Variants in PTCHD1 observed in about 807,000 individuals in gnomAD.
The protein encoded by PTCHD1 is patched domain-containing protein 1.
In PTCHD1, 3 loss-of-function variants were observed where a neutral mutation model predicts 34.6. The ratio of observed to expected loss-of-function variants is 0.09; its 90% CI spans 0.04 to 0.22. The LOEUF (loss-of-function observed/expected upper bound fraction) is 0.22, where lower values mean the gene tolerates loss of function less well. Ranked by LOEUF, PTCHD1 falls within the 10% of genes least tolerant of loss-of-function variation. PTCHD1 has a pLI of 1.00. For synonymous variants in PTCHD1, 305 were observed against 283.1 expected (o/e 1.08, Z -0.77); for missense variants, 504 against 685.5 (o/e 0.74, Z 2.96).
rs189293818 is a variant in PTCHD1 at position 23,350,804 on chromosome X, G to A, written c.351+15578G>A. ...GAAGAACACTGAGAAAAGCTAGGTCGAAAGATAGGAGGAGAGGAAAGAGTT... is the reference window on the plus strand; with the variant it reads ...GAAGAACACTGAGAAAAGCTAGGTCAAAAGATAGGAGGAGAGGAAAGAGTT... On this transcript the variant is annotated intron_variant, in intron 1 of 2. Coordinates refer to ENST00000379361, the MANE Select transcript of PTCHD1 (RefSeq NM_173495.3). Among the ~76,000 whole-genome samples, 10 of 110,651 alleles carry A rather than the reference G, an allele frequency of 9.0e-5. No individual in the cohort carries two copies. In the East Asian group the frequency reaches 1.7e-3, roughly 19 times the overall value.
chrX:23,377,602 G>GTGTGTA (rs1922446665), intron 1 of PTCHD1, among the ~76,000 whole-genome samples: 1 of 109,335 alleles, frequency 9.1e-6, no homozygotes, highest in African/African-American at 3.4e-5. Context: ...GTGTGTGTGT[G>GTGTGTA]TGTGTGTGTG....
chrX:23,376,180 T>G (rs1769005424), intron 1 of PTCHD1, among the ~76,000 whole-genome samples: 1 of 112,386 alleles, frequency 8.9e-6, no homozygotes, highest in Admixed American at 9.4e-5. Context: ...GAGTACCTGT[T>G]GAATGTGTGT....
chrX:23,356,540 A>G (rs1921807930), intron 1 of PTCHD1, among the ~76,000 whole-genome samples: 1 of 111,930 alleles, frequency 8.9e-6, no homozygotes, highest in South Asian at 3.8e-4. Flanking sequence ...GATTCGCACC[A>G]GCTTTTTCCC....
At chrX:23,363,637 G>A (rs12846620) in intron 1 of PTCHD1, among the ~76,000 whole-genome samples, 4,625 of 112,520 alleles carry the variant, frequency 0.041, 132 homozygotes, top group East Asian at 0.11. Context: ...GCCCTGCTTC[G>A]GCTCACCCTC....
At chrX:23,371,734 G>A (rs777954736) in intron 1 of PTCHD1, among the ~76,000 whole-genome samples, 2 of 111,219 alleles carry the variant, frequency 1.8e-5, no homozygotes, top group Non-Finnish European at 3.8e-5. Context: ...ATATTGTCAA[G>A]TCGGGAAGGA....
rs1034800083 is a variant in PTCHD1, at chrX:23,395,661, G to A, written c.*1476G>A. The A allele has an allele frequency of 1.8e-5, 2 of 112,080 alleles. No homozygotes were observed. The highest frequency in any genetic ancestry group is 3.2e-5 in the African/African-American group (1 of 30,776). The allele number at this position is 112,080 out of a possible 1,213,427, so 9.2% of individuals were successfully genotyped here. A position where few individuals can be genotyped will look rare whatever the true frequency, so the allele number is the denominator to read the frequency against. On this transcript the variant is annotated 3_prime_UTR_variant, in exon 3 of 3. Coordinates refer to ENST00000379361, the MANE Select transcript of PTCHD1 (RefSeq NM_173495.3). ...GAAATGGTTTAGATCTAAAAAGGCT[G>A]TATACGTTGCCCAGGCCCCTGCATT...
At chrX:23,347,495 C>G (rs1477858298) in intron 1 of PTCHD1, among the ~76,000 whole-genome samples, 1 of 112,207 alleles carries the variant, frequency 8.9e-6, no homozygotes, top group Non-Finnish European at 1.9e-5. Flanking sequence ...ATAGCTACAA[C>G]AAACATTAAA....
At chrX:23,344,646 C>T (rs889797035) in intron 1 of PTCHD1, among the ~76,000 whole-genome samples, 1 of 111,831 alleles carries the variant, frequency 8.9e-6, no homozygotes, top group African/African-American at 3.3e-5. Flanking sequence ...AGTTCTTAGG[C>T]AGGCAGAGCT....
At chrX:23,382,654 G>C (rs1049560810) in intron 2 of PTCHD1, among the ~76,000 whole-genome samples, 1 of 112,889 alleles carries the variant, frequency 8.9e-6, no homozygotes, top group African/African-American at 3.2e-5. Context: ...CAGCGAAAGA[G>C]ACCACGCACC....
In PTCHD1 at chrX:23,403,264, T is replaced by C. The variant is rs1053653854; in HGVS notation, c.*9079T>C. On this transcript the variant is annotated 3_prime_UTR_variant, in exon 3 of 3. Transcript: ENST00000379361. ...AATGTTGTGTTTCCCAGTATTTTAGTTGGGTTTCTTCACACTTAGGCAAGT... is the reference window on the plus strand; with the variant it reads ...AATGTTGTGTTTCCCAGTATTTTAGCTGGGTTTCTTCACACTTAGGCAAGT... 2 of 112,390 alleles carry C rather than the reference T, an allele frequency of 1.8e-5. No individual in the cohort carries two copies. The highest frequency in any genetic ancestry group is 6.5e-5 in the African/African-American group (2 of 30,954). 9.3% of individuals were successfully genotyped at this position (112,390 alleles called of 1,213,427 possible). A position where few individuals can be genotyped will look rare whatever the true frequency, so the allele number is the denominator to read the frequency against.
intron 1 of PTCHD1, among the ~76,000 whole-genome samples, chrX:23,375,644 T>C (rs2146638751): frequency 8.9e-6 from 1 of 111,785 alleles, no homozygotes; most frequent in South Asian, 3.8e-4. Flanking sequence ...TTTGTTGGTG[T>C]ATGCTAAGTG....
rs1378013814 is a variant in PTCHD1, at chrX:23,396,901, G to A, written c.*2716G>A. On this transcript the variant is annotated 3_prime_UTR_variant, in exon 3 of 3. Transcript: ENST00000379361. The stretch of plus-strand genomic sequence containing the variant: ...TGCTCTGCTGCATTGGTTTAGCCCC[G>A]CTATGGAGAAGACACTTTAGAAGTA... 2.7e-5 allele frequency: 3 copies of A among 111,821 alleles called. No individual in the cohort carries two copies. Among genetic ancestry groups the A allele is most frequent in the African/African-American group, 6.5e-5 (2 of 30,723 alleles). 9.2% of individuals were successfully genotyped at this position (111,821 alleles called of 1,213,427 possible).
chrX:23,336,021 G>T (rs914923969), intron 1 of PTCHD1, among the ~76,000 whole-genome samples: 3 of 111,737 alleles, frequency 2.7e-5, no homozygotes, highest in Non-Finnish European at 5.6e-5. Context: ...AGCCCGAAGG[G>T]TGAGAACAGA....
In PTCHD1 at chrX:23,394,447, CA is replaced by C. The variant is rs1922932263; in HGVS notation, c.*263del. The stretch of plus-strand genomic sequence containing the variant: ...ACACACACACACACACACACACACA[CA>C]CACCCTGGGAGACCTATAGTCTCTT... On this transcript the variant is annotated 3_prime_UTR_variant, in exon 3 of 3. Transcript: ENST00000379361. 6 of 313,792 alleles carry C rather than the reference CA, an allele frequency of 1.9e-5. No individual in the cohort carries two copies. The highest frequency in any genetic ancestry group is 1.7e-4 in the East Asian group (3 of 18,046). 25.9% of individuals were successfully genotyped at this position (313,792 alleles called of 1,213,427 possible).
At chrX:23,361,556 A>G (rs1921984422) in intron 1 of PTCHD1, among the ~76,000 whole-genome samples, 1 of 111,099 alleles carries the variant, frequency 9.0e-6, no homozygotes. Flanking sequence ...TGCATGTGAG[A>G]TGGGTCTCCT....
chrX:23,392,069 TCTTTC>T (rs1922848363), intron 2 of PTCHD1, among the ~76,000 whole-genome samples: 5 of 78,880 alleles, frequency 6.3e-5, no homozygotes, highest in Admixed American at 4.2e-4. Context: ...TTTCTTTCTT[TCTTTC>T]TTTTTTTTTT....
intron 1 of PTCHD1, among the ~76,000 whole-genome samples, chrX:23,352,407 T>C (rs777877390): frequency 3.9e-4 from 44 of 112,347 alleles, no homozygotes; most frequent in African/African-American, 1.1e-3. Context: ...TTCCCTTTTA[T>C]CTCAAGATGA....
rs1923172288 is a variant in PTCHD1 at position 23,403,596 on chromosome X, C to T, written c.*9411C>T. ...AATTTTTACCGAAAGTCAAGAGACA[C>T]ACAGATCTTTTTTGGTACCCTCTAC... On this transcript the variant is annotated 3_prime_UTR_variant, in exon 3 of 3. Transcript: ENST00000379361. The T allele has an allele frequency of 9.0e-6, 1 of 111,469 alleles. No individual in the cohort carries two copies. Among genetic ancestry groups the T allele is most frequent in the Non-Finnish European group, 1.9e-5 (1 of 53,072 alleles). 9.2% of individuals were successfully genotyped at this position (111,469 alleles called of 1,213,427 possible).
At position 23,394,026 on chromosome X, in the gene PTCHD1, T is replaced by A. The variant is rs139453757; in HGVS notation, c.2508T>A (p.Phe836Leu). 3.5e-5 allele frequency: 42 copies of A among 1,208,356 alleles called. No individual in the cohort carries two copies. The African/African-American group carries it at 5.8e-4, about 17-fold the overall frequency. ...CLFLIAFVTF[F>L]HCFAILPVIL... ...TTTTAATAGCATTTGTCACCTTCTTTCACTGCTTTGCCATTTTACCTGTGA... is the reference window on the plus strand; with the variant it reads ...TTTTAATAGCATTTGTCACCTTCTTACACTGCTTTGCCATTTTACCTGTGA... The change falls in exon 3 of 3, where the codon TTT becomes TTA. Residue 836 changes from phenylalanine (F) to leucine (L), a missense_variant. By Grantham distance (22) the Phe-to-Leu change is conservative (BLOSUM62 0). Coordinates refer to ENST00000379361, the MANE Select transcript of PTCHD1 (RefSeq NM_173495.3).
Sources: allele counts gnomAD v4.1 joint callset (sites outside exome capture counted in the v4.1 genomes callset), GRCh38; gene constraint gnomAD v4.1.1; transcripts MANE v1.5; gene names NCBI Gene and HGNC (gene_info 2026-07-23, HGNC 2026-07-21).